SETX: variants seen among roughly 807,000 people sequenced by gnomAD.
SETX encodes helicase senataxin.
In SETX, 90 loss-of-function variants were observed where a neutral mutation model predicts 227.2. That is an observed-to-expected ratio of 0.40 (90% CI 0.33 to 0.47). The LOEUF (loss-of-function observed/expected upper bound fraction) is 0.47. Among genes scored for constraint, SETX ranks in the 20% least tolerant of loss-of-function variants. The pLI, the probability that SETX is intolerant of heterozygous loss-of-function variation, is 0.91. For synonymous variants in SETX, 1,210 were observed against 1,113.2 expected (o/e 1.09, Z -1.73); for missense variants, 3,052 against 3,181.5 (o/e 0.96, Z 0.98).
At chr9:132,335,620 G>A (rs1226947775) in intron 6 of SETX, among the ~76,000 whole-genome samples, 3 of 151,794 alleles carry the variant, frequency 2.0e-5, no homozygotes, top group Non-Finnish European at 2.9e-5. Context: ...TGGGACTACA[G>A]GCGTGCACCA....
Position 132,281,563 on chromosome 9 carries a change from A to G in SETX, c.6558T>C (p.Ser2186=). 3.7e-6 allele frequency: 6 copies of G among 1,612,360 alleles called. No homozygotes were observed. The highest frequency in any genetic ancestry group is 1.1e-5 in the South Asian group (1 of 91,040). The part of the protein sequence containing the change: ...SCVIVDEAGQ[S]CEIETLTPLI... ...GTGGAGTAAGAGTCTCAATTTCACA[A>G]GACTGTCCAGCCTTGGTAAGATACA... Residue 2186 remains serine (S), a synonymous_variant, in exon 20 of 26, where the codon TCT becomes TCC. Transcript: ENST00000224140.
intron 25 of SETX, among the ~76,000 whole-genome samples, chr9:132,268,700 A>ATT (rs1444298634): frequency 7.2e-5 from 11 of 152,250 alleles, no homozygotes; most frequent in African/African-American, 2.4e-4. Flanking sequence ...AATAATTTTA[A>ATT]TTGCTGTATT....
intron 11 of SETX, among the ~76,000 whole-genome samples, chr9:132,311,039 T>G (rs955559736): frequency 6.6e-6 from 1 of 152,234 alleles, no homozygotes; most frequent in African/African-American, 2.4e-5. Context: ...CTATTTCGGC[T>G]CACTGCAAAC....
Position 132,329,112 on chromosome 9 carries a change from GTA to G in SETX, c.2484_2485del (p.Thr829ArgfsTer17), listed in dbSNP as rs1847050617. On this transcript the variant is annotated frameshift_variant, in exon 10 of 26. Coordinates refer to ENST00000224140, the MANE Select transcript of SETX (RefSeq NM_015046.7). LOFTEE classifies it high-confidence loss of function. The stretch of plus-strand genomic sequence containing the variant: ...GAAACCATCTCCTTTCTGAACTCCT[GTA>G]TCTTTCCTTGAATAGAAACTCTCAA... The G allele has an allele frequency of 6.2e-7, 1 of 1,610,086 alleles. No individual in the cohort carries two copies. Among genetic ancestry groups the G allele is most frequent in the African/African-American group, 1.3e-5 (1 of 74,916 alleles).
At chr9:132,269,950 G>A (rs539437165) in intron 24 of SETX, among the ~76,000 whole-genome samples, 31 of 62,978 alleles carry the variant, frequency 4.9e-4, no homozygotes, top group African/African-American at 1.1e-3. Flanking sequence ...ATGACTCAGC[G>A]TGCCCGTGTG....
chr9:132,346,561 T>TA, intron 3 of SETX, 90 bp from the exon 4 acceptor site: 2 of 914,034 alleles, frequency 2.2e-6, no homozygotes, highest in South Asian at 1.5e-5. Context: ...TTTTCCTAAG[T>TA]ACAAAAATTC....
chr9:132,313,346 C>A (rs905994841), intron 10 of SETX, among the ~76,000 whole-genome samples: 1 of 151,970 alleles, frequency 6.6e-6, no homozygotes, highest in Non-Finnish European at 1.5e-5. Context: ...CCTAGAAGAT[C>A]CTAGATAGTT....
intron 10 of SETX, among the ~76,000 whole-genome samples, chr9:132,317,973 CTTAAT>C (rs993330630): frequency 6.6e-5 from 10 of 152,132 alleles, no homozygotes; most frequent in South Asian, 2.1e-4. Flanking sequence ...AAATCTTGGT[CTTAAT>C]TTATCACTTT....
At chr9:132,315,542 G>A (rs1206908288) in intron 10 of SETX, among the ~76,000 whole-genome samples, 1 of 152,056 alleles carries the variant, frequency 6.6e-6, no homozygotes, top group Non-Finnish European at 1.5e-5. Context: ...AGAACACTCT[G>A]CCACCAATAA....
At chr9:132,335,650 G>A (rs1045787994) in intron 6 of SETX, among the ~76,000 whole-genome samples, 4 of 151,568 alleles carry the variant, frequency 2.6e-5, no homozygotes, top group Non-Finnish European at 5.9e-5. Flanking sequence ...GTTCTACCAG[G>A]AAATATTTTA....
At chr9:132,350,080 C>T (rs373543733) in intron 2 of SETX, among the ~76,000 whole-genome samples, 15 of 151,698 alleles carry the variant, frequency 9.9e-5, no homozygotes, top group East Asian at 9.6e-4. Context: ...AAGCTGGGAA[C>T]GGTGGCTCAT....
intron 1 of SETX, among the ~76,000 whole-genome samples, 155 bp from the exon 2 acceptor site, chr9:132,353,910 GC>G (rs1390003392): frequency 6.6e-6 from 1 of 152,198 alleles, no homozygotes; most frequent in African/African-American, 2.4e-5. Flanking sequence ...CCAGGAAACA[GC>G]AGAACTGCAA....
In SETX at chr9:132,328,404, T is replaced by C. The variant is rs1208064121; in HGVS notation, c.3194A>G (p.Glu1065Gly). The C allele has an allele frequency of 6.2e-7, 1 of 1,614,020 alleles. No homozygotes were observed. The highest frequency in any genetic ancestry group is 1.7e-5 in the Admixed American group (1 of 60,032). The change falls in exon 10 of 26, where the codon GAA becomes GGA. Residue 1065 changes from glutamate to glycine, a missense_variant. Transcript: ENST00000224140. ...SKEEKNPVKE[E>G]KTETLFQFEE... ...AAACTGAAAAAGAGTCTCTGTCTTT[T>C]CTTCCTTTACTGGATTCTTTTCCTC... is the stretch of plus-strand genomic sequence containing the variant.
rs151058859 is a variant in SETX at position 132,309,496 on chromosome 9, G to A, written c.5374+2261C>T. On this transcript the variant is annotated intron_variant, in intron 11 of 25. Coordinates refer to ENST00000224140, the MANE Select transcript of SETX (RefSeq NM_015046.7). ...CTGTAAAGGGCCAGATAGGCTTGTG[G>A]GGCCACACATAATGCCTGTTACATA... 2.8e-3 allele frequency among the ~76,000 whole-genome samples: 425 copies of A among 152,184 alleles called. 2 individuals are homozygous for A. The highest frequency in any genetic ancestry group is 9.6e-3 in the African/African-American group (398 of 41,536).
In SETX at chr9:132,264,537, A is replaced by G; in HGVS notation, c.7736T>C (p.Val2579Ala). Residue 2579 changes from valine to alanine, a missense_variant, in exon 26 of 26, where the codon GTC (valine) becomes GCC (alanine). By Grantham distance (64) the Val-to-Ala change is moderately conservative (BLOSUM62 0). Coordinates refer to ENST00000224140, the MANE Select transcript of SETX (RefSeq NM_015046.7). ...TATATGGCTCAGGTCCTGGTGAACG[A>G]CAGGGAAGCCCGGCTCGCCCGTAGG... is the stretch of plus-strand genomic sequence containing the variant. ...TPPTGEPGFP[V>A]VHQDLSHIQQ... 1.2e-6 allele frequency: 2 copies of G among 1,614,038 alleles called. No individual in the cohort carries two copies. Among genetic ancestry groups the G allele is most frequent in the Non-Finnish European group, 1.7e-6 (2 of 1,179,988 alleles).
intron 19 of SETX, among the ~76,000 whole-genome samples, chr9:132,281,932 G>A (rs1843539212): frequency 6.8e-6 from 1 of 147,238 alleles, no homozygotes; most frequent in African/African-American, 2.5e-5. Flanking sequence ...TGAGGCAGGA[G>A]AACTGCTTGA....
chr9:132,342,636 T>C, intron 5 of SETX, 54 bp downstream of exon 5: 1 of 1,195,974 alleles, frequency 8.4e-7, no homozygotes, highest in Non-Finnish European at 1.3e-6. Context: ...ATTATAGCTA[T>C]CTATAGGTAC....
rs1842555803 is a variant in SETX, at chr9:132,264,769, T to C, written c.7504A>G (p.Thr2502Ala). Residue 2502 changes from threonine (T) to alanine (A), a missense_variant, in exon 26 of 26, where the codon ACA (threonine) becomes GCA (alanine). Thr to Ala is a moderately conservative substitution (Grantham distance 58). Coordinates refer to ENST00000224140, the MANE Select transcript of SETX (RefSeq NM_015046.7). ...SSKLDSGFAK[T>A]SVAASLYHTP... ...TGGTATAGAGAAGCAGCAACAGATG[T>C]CTTGGCAAATCCACTGTCTAGCTTG... is the stretch of plus-strand genomic sequence containing the variant. 6.2e-7 allele frequency: 1 copy of C among 1,614,082 alleles called. No individual in the cohort carries two copies. The highest frequency in any genetic ancestry group is 1.1e-5 in the South Asian group (1 of 91,088).
Position 132,275,404 on chromosome 9 carries a change from G to A in SETX, c.6952C>T (p.Gln2318Ter). Residue 2318 changes from glutamine to a stop codon, truncating the protein, a stop_gained, in exon 23 of 26, where the codon CAA becomes TAA. Coordinates refer to ENST00000224140, the MANE Select transcript of SETX (RefSeq NM_015046.7). LOFTEE classifies it high-confidence loss of function. The stretch of plus-strand genomic sequence containing the variant: ...ATTTCCATCACCAGTTTTATTTCTT[G>A]AACATTTATATATGAGCTAAACAAG... Reference protein sequence around the residue: ...RRDNDSYINVQEIKLVMEIIK... With the variant: ...RRDNDSYINV The A allele has an allele frequency of 6.3e-7, 1 of 1,599,278 alleles. No individual in the cohort carries two copies. The highest frequency in any genetic ancestry group is 8.6e-7 in the Non-Finnish European group (1 of 1,167,476).
Sources: allele counts gnomAD v4.1 joint callset (sites outside exome capture counted in the v4.1 genomes callset), GRCh38; gene constraint gnomAD v4.1.1; transcripts MANE v1.5; gene names NCBI Gene and HGNC (gene_info 2026-07-23, HGNC 2026-07-21).